PARD3B: variants seen among roughly 807,000 people sequenced by gnomAD.
PARD3B encodes the protein par-3 family cell polarity regulator beta, also known as partitioning defective 3 homolog B.
PARD3B carries 103 observed loss-of-function variants against 130.2 expected under a neutral mutation model. The ratio of observed to expected loss-of-function variants is 0.79; its 90% confidence interval spans 0.67 to 0.93. The LOEUF (loss-of-function observed/expected upper bound fraction) is 0.93, where lower values mean the gene tolerates loss of function less well. Among genes scored for constraint, PARD3B ranks in the 40% least tolerant of loss-of-function variants. The pLI is 0.00. For missense variants in PARD3B, 1,609 were observed against 1,499.2 expected, an observed-to-expected ratio of 1.07 and a Z score of -1.21; for synonymous variants, 583 against 553.2, an observed-to-expected ratio of 1.05 and a Z score of -0.76.
rs2105954630 is a variant in PARD3B at position 205,383,618 on chromosome 2, T to G, written c.2631-17395T>G. 2.6e-5 allele frequency among the ~76,000 whole-genome samples: 4 copies of G among 152,204 alleles called. No homozygotes were observed. The Middle Eastern group carries it at 0.01, about 388-fold the overall frequency. ...CCTTGGTTGATTGTTTTAATGTACA[T>G]ACGGTGAAATTCACTCTGTTGTATA... On this transcript the variant is annotated intron_variant, in intron 18 of 22. Transcript: ENST00000406610.
chr2:205,396,259 T>C (rs541938875), intron 18 of PARD3B, among the ~76,000 whole-genome samples: 26 of 152,346 alleles, frequency 1.7e-4, no homozygotes, highest in African/African-American at 6.0e-4. Flanking sequence ...TTATCACAAC[T>C]AACAATTATG....
intron 18 of PARD3B, among the ~76,000 whole-genome samples, chr2:205,372,942 G>A (rs1220885075): frequency 6.6e-6 from 1 of 152,176 alleles, no homozygotes. Context: ...TTGCACCACT[G>A]CACTCCAGCC....
chr2:204,919,848 C>T (rs1169179176), intron 2 of PARD3B, among the ~76,000 whole-genome samples: 2 of 152,084 alleles, frequency 1.3e-5, no homozygotes, highest in East Asian at 1.9e-4. Context: ...AGGCTTTTCT[C>T]GGAGACTTGA....
At chr2:205,350,261 G>A (rs1255115262) in intron 18 of PARD3B, among the ~76,000 whole-genome samples, 1 of 152,112 alleles carries the variant, frequency 6.6e-6, no homozygotes, top group African/African-American at 2.4e-5. Flanking sequence ...GAGATGAATT[G>A]GATTCAAGGT....
chr2:205,618,998 G>A lies in PARD3B; in HGVS notation c.*3185G>A, dbSNP rs1189582102. On this transcript the variant is annotated 3_prime_UTR_variant, in exon 23 of 23. Coordinates refer to ENST00000406610, the MANE Select transcript of PARD3B (RefSeq NM_001302769.2). The stretch of plus-strand genomic sequence containing the variant: ...TATATGTGTTGACTCCCACAGGATG[G>A]CACCAAGTAAAGATCTTAAGAGCAT... 1.3e-5 allele frequency: 2 copies of A among 152,116 alleles called. No homozygotes were observed. Among genetic ancestry groups the A allele is most frequent in the Admixed American group, 6.5e-5 (1 of 15,274 alleles). 9.4% of individuals were successfully genotyped at this position (152,116 alleles called of 1,614,324 possible).
intron 16 of PARD3B, among the ~76,000 whole-genome samples, chr2:205,249,928 C>A (rs2039767314): frequency 6.7e-6 from 1 of 148,380 alleles, no homozygotes; most frequent in Non-Finnish European, 1.5e-5. Flanking sequence ...CAAATTCTAG[C>A]AATGCCTGGA....
intron 19 of PARD3B, among the ~76,000 whole-genome samples, chr2:205,420,007 A>G (rs963190085): frequency 6.6e-6 from 1 of 152,214 alleles, no homozygotes; most frequent in African/African-American, 2.4e-5. Context: ...TCGAACCAAA[A>G]GCATTTGCTG....
chr2:205,086,394 A>G (rs1194685017), intron 4 of PARD3B, among the ~76,000 whole-genome samples: 1 of 152,198 alleles, frequency 6.6e-6, no homozygotes, highest in Admixed American at 6.5e-5. Flanking sequence ...CACATAGAAT[A>G]TGAAAGGGAG....
chr2:205,572,277 A>G lies in PARD3B; in HGVS notation c.3260+18874A>G, dbSNP rs11884678. On this transcript the variant is annotated intron_variant, in intron 22 of 22. Coordinates refer to ENST00000406610, the MANE Select transcript of PARD3B (RefSeq NM_001302769.2). This position sits in a 1 kb window ranked among gnomAD's most constrained non-coding sequence, Gnocchi z 4.2. Reference sequence around the variant, plus strand: ...CAAGTAGAATAAGTGCTAAAATTTTATATGCATAAATGGAATTTGAAGAAG... The same window carrying G: ...CAAGTAGAATAAGTGCTAAAATTTTGTATGCATAAATGGAATTTGAAGAAG... 0.016 allele frequency among the ~76,000 whole-genome samples: 2,431 copies of G among 152,322 alleles called. 66 individuals carry two copies. Among genetic ancestry groups the G allele is most frequent in the African/African-American group, 0.056 (2,327 of 41,564 alleles).
chr2:205,020,822 T>C (rs1441082458), intron 3 of PARD3B, among the ~76,000 whole-genome samples: 1 of 152,168 alleles, frequency 6.6e-6, no homozygotes, highest in East Asian at 1.9e-4. Context: ...ACTGCACTTC[T>C]GTCCTTAAGC....
chr2:205,413,322 A>G (rs192523016), intron 19 of PARD3B, among the ~76,000 whole-genome samples: 34 of 152,258 alleles, frequency 2.2e-4, no homozygotes, highest in Admixed American at 5.2e-4. Context: ...GTTTGTATTT[A>G]CAAACATGCC....
chr2:205,441,340 G>A (rs1422251477), intron 20 of PARD3B, among the ~76,000 whole-genome samples: 1 of 152,204 alleles, frequency 6.6e-6, no homozygotes, highest in Non-Finnish European at 1.5e-5. Flanking sequence ...TAGAAAACAA[G>A]ATGATTCCAA....
intron 1 of PARD3B, among the ~76,000 whole-genome samples, chr2:204,603,301 C>T (rs1441161378): frequency 2.6e-5 from 4 of 152,076 alleles, no homozygotes; most frequent in African/African-American, 2.4e-5. Flanking sequence ...CCTAATAACA[C>T]GTTTTGTATT....
intron 11 of PARD3B, among the ~76,000 whole-genome samples, chr2:205,169,269 G>C (rs751139494): frequency 6.6e-6 from 1 of 152,136 alleles, no homozygotes; most frequent in Non-Finnish European, 1.5e-5. Flanking sequence ...GGTGATGCTT[G>C]TGATGAATGT....
At chr2:204,739,073 T>A (rs149841761) in intron 2 of PARD3B, among the ~76,000 whole-genome samples, 115 of 152,290 alleles carry the variant, frequency 7.6e-4, no homozygotes, top group African/African-American at 2.5e-3. Flanking sequence ...ATTTTTTAAA[T>A]CTACTTTTTA....
At chr2:205,373,524 A>G (rs1263325174) in intron 18 of PARD3B, among the ~76,000 whole-genome samples, 1 of 152,226 alleles carries the variant, frequency 6.6e-6, no homozygotes, top group East Asian at 1.9e-4. Context: ...AATGGTTCAA[A>G]CCATTCCAAG....
In PARD3B at chr2:204,624,604, C is replaced by T. The variant is rs1295061856; in HGVS notation, c.121-61577C>T. Among the ~76,000 whole-genome samples, 3 of 152,088 alleles carry T rather than the reference C, an allele frequency of 2.0e-5. 1 individual carries two copies. The highest frequency in any genetic ancestry group is 4.1e-4 in the South Asian group (2 of 4,828). The stretch of plus-strand genomic sequence containing the variant: ...AGTAGTGTTCCATGGTGTGGATATA[C>T]TCTAGTTTGTTTAACCATTCACCTA... On this transcript the variant is annotated intron_variant, in intron 1 of 22. Coordinates refer to ENST00000406610, the MANE Select transcript of PARD3B (RefSeq NM_001302769.2).
At chr2:205,449,271 C>T (rs191140218) in intron 20 of PARD3B, among the ~76,000 whole-genome samples, 6 of 151,494 alleles carry the variant, frequency 4.0e-5, no homozygotes, top group East Asian at 2.0e-4. Flanking sequence ...CTCTTGTTGC[C>T]CAGGCTAGAA....
chr2:204,987,981 G>A (rs1693315588), intron 3 of PARD3B, among the ~76,000 whole-genome samples: 1 of 152,028 alleles, frequency 6.6e-6, no homozygotes. Flanking sequence ...AGACTTCAGG[G>A]AAAGAGGTAG....
Sources: allele counts gnomAD v4.1 joint callset (sites outside exome capture counted in the v4.1 genomes callset), GRCh38; gene constraint gnomAD v4.1.1; non-coding constraint Gnocchi (gnomAD v3.1); transcripts MANE v1.5; gene names NCBI Gene and HGNC (gene_info 2026-07-23, HGNC 2026-07-21).